Variants in SLC9A9 observed in about 807,000 individuals in gnomAD.
SLC9A9 encodes solute carrier family 9 member A9.
SLC9A9 carries 62 observed loss-of-function variants against 77.8 expected under a neutral mutation model. The observed-to-expected ratio is 0.80, with a 90% CI of 0.65 to 0.98. The LOEUF (loss-of-function observed/expected upper bound fraction) is 0.98. Ranked by LOEUF, SLC9A9 falls within the 50% of genes least tolerant of loss-of-function variation. The pLI is 0.00. For missense variants in SLC9A9, 775 were observed against 774.9 expected (o/e 1.00, Z 0.00); for synonymous variants, 320 against 283.5 (o/e 1.13, Z -1.29).
intron 4 of SLC9A9, among the ~76,000 whole-genome samples, chr3:143,715,922 A>G (rs1934333219): frequency 6.6e-6 from 1 of 152,198 alleles, no homozygotes; most frequent in Non-Finnish European, 1.5e-5. Flanking sequence ...AATTAAATGC[A>G]CTTTCAAAAT....
At chr3:143,666,413 G>A (rs918183945) in intron 5 of SLC9A9, among the ~76,000 whole-genome samples, 3 of 152,176 alleles carry the variant, frequency 2.0e-5, no homozygotes, top group Admixed American at 6.5e-5. Context: ...CATTCCCTCT[G>A]AAAACTGACA....
intron 4 of SLC9A9, among the ~76,000 whole-genome samples, chr3:143,743,834 C>T (rs59694433): frequency 1.5e-3 from 226 of 152,316 alleles, no homozygotes; most frequent in East Asian, 0.014. Flanking sequence ...TAGTTTCTCA[C>T]GGCATGCCTA....
intron 2 of SLC9A9, chr3:143,811,760 T>A (rs1183269293): frequency 1.6e-5 from 7 of 450,264 alleles, no homozygotes; most frequent in Non-Finnish European, 2.2e-5. Context: ...TACTCTGGAG[T>A]CTAAGGCACG....
chr3:143,662,448 C>A (rs1342860132), intron 5 of SLC9A9, among the ~76,000 whole-genome samples: 5 of 152,192 alleles, frequency 3.3e-5, no homozygotes, highest in African/African-American at 1.2e-4. Flanking sequence ...CTCACTGGGA[C>A]TTGTTGGACA....
chr3:143,271,758 C>T (rs1467113509), intron 14 of SLC9A9, among the ~76,000 whole-genome samples: 3 of 152,098 alleles, frequency 2.0e-5, no homozygotes, highest in Non-Finnish European at 2.9e-5. Context: ...CTGGGAATTA[C>T]GTGGCATCAT....
intron 4 of SLC9A9, among the ~76,000 whole-genome samples, chr3:143,727,957 T>A (rs1157054357): frequency 6.6e-6 from 1 of 152,208 alleles, no homozygotes; most frequent in Non-Finnish European, 1.5e-5. Flanking sequence ...GCCTATTAAG[T>A]CACAGTTATG....
At chr3:143,309,870 GAA>G (rs1052762236) in intron 14 of SLC9A9, among the ~76,000 whole-genome samples, 1 of 150,772 alleles carries the variant, frequency 6.6e-6, no homozygotes, top group African/African-American at 2.4e-5. Context: ...GAGTGAGAGG[GAA>G]AAAAAAAGTC....
chr3:143,377,364 T>C (rs2033202511), intron 13 of SLC9A9, among the ~76,000 whole-genome samples: 1 of 152,340 alleles, frequency 6.6e-6, no homozygotes, highest in South Asian at 2.1e-4. Context: ...TACTTTGTTG[T>C]GCCCCTTCGT....
chr3:143,379,376 G>A (rs962296208), intron 13 of SLC9A9, among the ~76,000 whole-genome samples: 20 of 152,222 alleles, frequency 1.3e-4, no homozygotes, highest in African/African-American at 4.6e-4. Flanking sequence ...AGTGGCAGCT[G>A]TGAGGACACT....
At chr3:143,277,056 C>T (rs1297636770) in intron 14 of SLC9A9, among the ~76,000 whole-genome samples, 1 of 152,130 alleles carries the variant, frequency 6.6e-6, no homozygotes, top group African/African-American at 2.4e-5. Flanking sequence ...CTACTTGGCT[C>T]CTCAGAGCCA....
intron 4 of SLC9A9, among the ~76,000 whole-genome samples, chr3:143,730,971 A>C (rs755333709): frequency 3.3e-5 from 5 of 152,224 alleles, no homozygotes; most frequent in Admixed American, 1.3e-4. Flanking sequence ...TCATTAGATC[A>C]ACAGACTGAT....
At chr3:143,342,304 C>T (rs1443413338) in intron 14 of SLC9A9, 1 of 152,290 alleles carries the variant, frequency 6.6e-6, no homozygotes, top group African/African-American at 2.4e-5. Context: ...CTACCTCAGC[C>T]TTCTAAGTAG....
intron 8 of SLC9A9, among the ~76,000 whole-genome samples, chr3:143,555,623 A>C (rs1208030408): frequency 6.6e-6 from 1 of 152,230 alleles, no homozygotes; most frequent in Non-Finnish European, 1.5e-5. Flanking sequence ...CCATCTGTGA[A>C]TGTTTTAAGG....
At chr3:143,709,135 A>G (rs1934074479) in intron 4 of SLC9A9, among the ~76,000 whole-genome samples, 1 of 152,190 alleles carries the variant, frequency 6.6e-6, no homozygotes, top group Non-Finnish European at 1.5e-5. Flanking sequence ...TGGGTAATTT[A>G]TTGGTGAATT....
chr3:143,579,501 T>C (rs1296175657), intron 6 of SLC9A9, among the ~76,000 whole-genome samples: 1 of 152,190 alleles, frequency 6.6e-6, no homozygotes, highest in East Asian at 1.9e-4. Flanking sequence ...ATATGAAGGA[T>C]AAGGCATGTC....
chr3:143,800,009 C>A (rs1014020696), intron 2 of SLC9A9, among the ~76,000 whole-genome samples: 1 of 152,148 alleles, frequency 6.6e-6, no homozygotes, highest in African/African-American at 2.4e-5. Flanking sequence ...TTTAAGCACT[C>A]CTTTTTAGTT....
chr3:143,437,206 C>T (rs1243030332), intron 12 of SLC9A9, among the ~76,000 whole-genome samples: 5 of 152,250 alleles, frequency 3.3e-5, no homozygotes, highest in Non-Finnish European at 5.9e-5. Context: ...TCACAGACTG[C>T]ACTGGAAGAG....
chr3:143,425,361 C>T (rs1242186333), intron 12 of SLC9A9, among the ~76,000 whole-genome samples: 1 of 146,914 alleles, frequency 6.8e-6, no homozygotes, highest in African/African-American at 2.5e-5. Flanking sequence ...AAAAAGTGAT[C>T]ACACTGACAA....
At chr3:143,625,836 G>A (rs1484153302) in intron 6 of SLC9A9, among the ~76,000 whole-genome samples, 1 of 152,146 alleles carries the variant, frequency 6.6e-6, no homozygotes, top group African/African-American at 2.4e-5. Context: ...GCAACCTACA[G>A]AATGGGAGAA....
Sources: gnomAD v4.1 joint callset for allele counts (sites outside exome capture counted in the v4.1 genomes callset) on GRCh38, gnomAD v4.1.1 for gene constraint, MANE v1.5 for transcripts, NCBI Gene and HGNC (gene_info 2026-07-23, HGNC 2026-07-21) for gene names.